The following KIF6 variants were observed in gnomAD, a reference collection of about 807,000 sequenced individuals.
KIF6 encodes kinesin family member 6, also known as kinesin-like protein KIF6.
Under a neutral mutation model 112.7 loss-of-function variants are expected in KIF6, and 106 were observed. The observed-to-expected ratio is 0.94, with a 90% CI of 0.80 to 1.11. The LOEUF (loss-of-function observed/expected upper bound fraction) is 1.11, where lower values mean the gene tolerates loss of function less well. KIF6 is among the 50% of genes least tolerant of loss of function. The pLI is 0.00. For synonymous variants in KIF6, 339 were observed against 339.9 expected (o/e 1.00, Z 0.03); for missense variants, 929 against 964.0 (o/e 0.96, Z 0.48).
chr6:39,556,239 T>C (rs1779703804), intron 10 of KIF6, among the ~76,000 whole-genome samples: 1 of 152,194 alleles, frequency 6.6e-6, no homozygotes, highest in Admixed American at 6.5e-5. Context: ...AGTACACTCA[T>C]CTACATAAGT....
chr6:39,456,524 T>G, intron 13 of KIF6, among the ~76,000 whole-genome samples: 1 of 82,116 alleles, frequency 1.2e-5, no homozygotes, highest in East Asian at 3.3e-4. Context: ...ATAACAATAT[T>G]AACTTTAAAT....
intron 22 of KIF6, among the ~76,000 whole-genome samples, chr6:39,337,155 T>TTTCTTTCTTTCTTTC (rs1554195028): frequency 1.5e-4 from 8 of 53,674 alleles, no homozygotes; most frequent in Non-Finnish European, 2.7e-4. Context: ...TTTCTCTTTC[T>TTTCTTTCTTTCTTTC]TTTCTTTCTT....
chr6:39,389,649 C>G (rs911236517), intron 15 of KIF6, among the ~76,000 whole-genome samples: 1 of 152,142 alleles, frequency 6.6e-6, no homozygotes, highest in Non-Finnish European at 1.5e-5. Context: ...CTCTTCCACA[C>G]AGCACTCTGG....
At chr6:39,485,397 G>T (rs562718157) in intron 13 of KIF6, among the ~76,000 whole-genome samples, 2 of 152,114 alleles carry the variant, frequency 1.3e-5, no homozygotes, top group Admixed American at 6.6e-5. Context: ...ATTATGCTTG[G>T]CTTTTCTTCA....
At chr6:39,589,516 CA>C (rs1432257426) in intron 7 of KIF6, among the ~76,000 whole-genome samples, 1 of 152,198 alleles carries the variant, frequency 6.6e-6, no homozygotes, top group Non-Finnish European at 1.5e-5. Flanking sequence ...GTTCTCGTGG[CA>C]GCCCTCATTC....
At chr6:39,433,913 T>A (rs1771336260) in intron 13 of KIF6, among the ~76,000 whole-genome samples, 1 of 152,162 alleles carries the variant, frequency 6.6e-6, no homozygotes, top group Non-Finnish European at 1.5e-5. Flanking sequence ...TCCTTTGGAT[T>A]GCACTAATAT....
intron 15 of KIF6, among the ~76,000 whole-genome samples, chr6:39,399,359 T>C (rs1288938033): frequency 1.3e-5 from 2 of 152,138 alleles, no homozygotes; most frequent in Non-Finnish European, 2.9e-5. Flanking sequence ...ATCCAGGTAC[T>C]CAATAGTGGT....
intron 15 of KIF6, among the ~76,000 whole-genome samples, chr6:39,400,520 G>A (rs1432596378): frequency 6.6e-6 from 1 of 152,250 alleles, no homozygotes; most frequent in African/African-American, 2.4e-5. Context: ...GACTTGGTCA[G>A]CATTGGGAGG....
At chr6:39,714,484 G>A (rs552460586) in intron 3 of KIF6, among the ~76,000 whole-genome samples, 5 of 152,198 alleles carry the variant, frequency 3.3e-5, no homozygotes, top group South Asian at 4.1e-4. Context: ...ATTTTGCTGC[G>A]TTATTTTGTT....
intron 13 of KIF6, among the ~76,000 whole-genome samples, chr6:39,516,595 G>A (rs1342828130): frequency 6.6e-6 from 1 of 151,720 alleles, no homozygotes; most frequent in Non-Finnish European, 1.5e-5. Flanking sequence ...AAGCCTGGGA[G>A]ACTGGGGTGA....
chr6:39,368,826 T>C (rs1765758550), intron 16 of KIF6, among the ~76,000 whole-genome samples: 1 of 152,214 alleles, frequency 6.6e-6, no homozygotes, highest in South Asian at 2.1e-4. Flanking sequence ...AGGGGCCCTC[T>C]GGGCCTCTGT....
At chr6:39,382,002 C>T (rs1441605710) in intron 16 of KIF6, among the ~76,000 whole-genome samples, 2 of 152,120 alleles carry the variant, frequency 1.3e-5, no homozygotes, top group Non-Finnish European at 2.9e-5. Flanking sequence ...GAAGTGTCTG[C>T]CCCAGCTGGA....
chr6:39,547,037 A>C, intron 10 of KIF6, among the ~76,000 whole-genome samples: 1 of 152,176 alleles, frequency 6.6e-6, no homozygotes, highest in East Asian at 1.9e-4. Context: ...TGGAACTCTT[A>C]ATAAGGAAGG....
intron 13 of KIF6, among the ~76,000 whole-genome samples, chr6:39,487,766 T>G (rs576441294): frequency 2.4e-4 from 36 of 152,322 alleles, no homozygotes; most frequent in Admixed American, 5.2e-4. Context: ...GATGACAATC[T>G]GAGATGTGAT....
In KIF6 at chr6:39,559,686, T is replaced by A. The variant is rs140755800; in HGVS notation, c.1182-13998A>T. ...CAATAATATGCTATCTCATTTACAT[T>A]TATTCAGAGCGTTTATTGACTGCCT... is the stretch of plus-strand genomic sequence containing the variant. On this transcript the variant is annotated intron_variant, in intron 10 of 22. Coordinates refer to ENST00000287152, the MANE Select transcript of KIF6 (RefSeq NM_145027.6). Among the ~76,000 whole-genome samples, 1,165 of 152,278 alleles carry A rather than the reference T, an allele frequency of 7.7e-3. 14 individuals are homozygous for A. Among genetic ancestry groups the A allele is most frequent in the African/African-American group, 0.026 (1,075 of 41,554 alleles).
chr6:39,337,155 T>TCTTTCTTTCTTTC (rs1281495138), intron 22 of KIF6, among the ~76,000 whole-genome samples: 10 of 53,674 alleles, frequency 1.9e-4, no homozygotes, highest in African/African-American at 1.5e-3. Flanking sequence ...TTTCTCTTTC[T>TCTTTCTTTCTTTC]TTTCTTTCTT....
At chr6:39,604,003 T>C (rs1782732748) in intron 6 of KIF6, among the ~76,000 whole-genome samples, 1 of 152,124 alleles carries the variant, frequency 6.6e-6, no homozygotes, top group South Asian at 2.1e-4. Context: ...TTATAAAGCA[T>C]ATGCCTGAGA....
Position 39,540,066 on chromosome 6 carries a change from G to T in KIF6, c.1582C>A (p.Pro528Thr). 1 of 1,614,068 alleles carries T rather than the reference G, an allele frequency of 6.2e-7. No individual in the cohort carries two copies. The highest frequency in any genetic ancestry group is 8.5e-7 in the Non-Finnish European group (1 of 1,179,986). ...ATGCTGAAGTCCTGGGCCTGTGAGG[G>T]AGCTGAGGATAGTCGCATTCTTTGA... is the stretch of plus-strand genomic sequence containing the variant. ...EGQRMRLSSA[P>T]SQAQDFSILG... is the part of the protein sequence containing the mutation. The change falls in exon 13 of 23, where the codon CCC becomes ACC. Residue 528 changes from proline to threonine, a missense_variant. Physicochemically the swap from Pro to Thr is conservative, Grantham distance 38. This residue lies in a region of KIF6 where 688 missense variants were observed against 662.7 expected (regional missense o/e 1.04). Transcript: ENST00000287152.
intron 9 of KIF6, among the ~76,000 whole-genome samples, chr6:39,584,072 T>C (rs927288237): frequency 3.9e-5 from 6 of 152,160 alleles, no homozygotes; most frequent in Non-Finnish European, 8.8e-5. Flanking sequence ...ATGTAAAATA[T>C]GGTTCTACTG....
Sources: gnomAD v4.1 joint callset for allele counts (sites outside exome capture counted in the v4.1 genomes callset) on GRCh38, gnomAD v4.1.1 for gene constraint, gnomAD v4.1.1 regional missense constraint, MANE v1.5 for transcripts, NCBI Gene and HGNC (gene_info 2026-07-23, HGNC 2026-07-21) for gene names.